DOP1A: variants seen among roughly 807,000 people sequenced by gnomAD.
DOP1A encodes the protein DOP1 leucine zipper like protein A.
A neutral mutation model predicts 267.6 loss-of-function variants in DOP1A; 90 were observed. The observed-to-expected ratio is 0.34, with a 90% confidence interval of 0.28 to 0.40. The LOEUF (loss-of-function observed/expected upper bound fraction) is 0.40. DOP1A is among the 10% of genes least tolerant of loss of function. The pLI is 1.00. For missense variants in DOP1A, 2,437 were observed against 2,900.4 expected (o/e 0.84, Z 3.67); for synonymous variants, 932 against 999.1 (o/e 0.93, Z 1.27).
At chr6:83,153,665 G>T in intron 31 of DOP1A, 45 bp downstream of exon 31, 1 of 1,451,300 alleles carries the variant, frequency 6.9e-7, no homozygotes. Context: ...TTCATAGCCT[G>T]TTAGAAACAA....
intron 19 of DOP1A, among the ~76,000 whole-genome samples, chr6:83,135,290 T>C (rs1159834971): frequency 1.3e-5 from 2 of 152,120 alleles, no homozygotes; most frequent in African/African-American, 4.8e-5. Flanking sequence ...GAAGGCTCAG[T>C]GCTTGATAAT....
intron 8 of DOP1A, 102 bp downstream of exon 8, chr6:83,119,089 T>C: frequency 1.1e-6 from 1 of 941,774 alleles, no homozygotes; most frequent in Non-Finnish European, 1.7e-6. Flanking sequence ...ATTTAAAAAC[T>C]AAAATCTCTT....
intron 7 of DOP1A, among the ~76,000 whole-genome samples, chr6:83,116,794 G>C (rs1582994702): frequency 6.6e-6 from 1 of 152,166 alleles, no homozygotes; most frequent in African/African-American, 2.4e-5. Context: ...CTGGGCGACA[G>C]AGTGAGACTC....
At chr6:83,113,609 G>A (rs1161841754) in intron 7 of DOP1A, among the ~76,000 whole-genome samples, 188 bp downstream of exon 7, 2 of 152,166 alleles carry the variant, frequency 1.3e-5, no homozygotes, top group Non-Finnish European at 2.9e-5. Flanking sequence ...AAGCTTCACT[G>A]ATTTGATAAG....
chr6:83,088,277 C>T (rs927482735), intron 1 of DOP1A, among the ~76,000 whole-genome samples: 1 of 152,008 alleles, frequency 6.6e-6, no homozygotes, highest in Non-Finnish European at 1.5e-5. Context: ...TCTGAAGTTT[C>T]CTAGAGTGTA....
At chr6:83,168,487 T>C (rs1786388656), downstream of DOP1A, 1 of 1,029,216 alleles carries the variant, frequency 9.7e-7, no homozygotes, top group African/African-American at 1.7e-5. Flanking sequence ...GTTTCAGACT[T>C]GGTTCAATTA....
chr6:83,167,443 T>TA, intron 38 of DOP1A: 1 of 983,402 alleles, frequency 1.0e-6, no homozygotes, highest in Non-Finnish European at 1.2e-6. Flanking sequence ...TAAAAGGGGA[T>TA]ATATTATGAA....
At position 83,137,285 on chromosome 6, in the gene DOP1A, C is replaced by T. The variant is rs149766415; in HGVS notation, c.3243C>T (p.Leu1081=). The T allele has an allele frequency of 2.6e-5, 42 of 1,613,740 alleles. No individual in the cohort carries two copies. The East Asian group carries it at 7.4e-4, about 28-fold the overall frequency. ...ATCCATTAAGTGACAGACTTTCCCT[C>T]CTAAGTACCAGCAGTGAGACAATTC... is the stretch of plus-strand genomic sequence containing the variant. ...TVNPLSDRLS[L]LSTSSETIPM... Residue 1081 remains leucine, a synonymous_variant, in exon 21 of 39, where the codon CTC becomes CTT. Coordinates refer to ENST00000349129, the MANE Select transcript of DOP1A (RefSeq NM_015018.4).
rs780644202 is a variant in DOP1A at position 83,096,932 on chromosome 6, CTT to C, written c.-44_-43del. On this transcript the variant is annotated 5_prime_UTR_variant, in exon 3 of 39. It introduces an in-frame stop codon into an upstream open reading frame of the 5' UTR. Coordinates refer to ENST00000349129, the MANE Select transcript of DOP1A (RefSeq NM_015018.4). ...CTGCAAACTCTTTTGTAGGTAATGA[CTT>C]TACATGAGTTTGGAACTGGTCTCTA... 2.2e-5 allele frequency: 35 copies of C among 1,599,176 alleles called. No homozygotes were observed. Among genetic ancestry groups the C allele is most frequent in the African/African-American group, 2.7e-5 (2 of 74,110 alleles).
At chr6:83,149,769 AAAG>A (rs1451004618) in intron 27 of DOP1A, among the ~76,000 whole-genome samples, 2 of 152,144 alleles carry the variant, frequency 1.3e-5, no homozygotes, top group African/African-American at 4.8e-5. Context: ...AGAACAGGAT[AAAG>A]AAGGAGAAGG....
intron 5 of DOP1A, 119 bp downstream of exon 5, chr6:83,109,199 A>G (rs534917656): frequency 2.4e-6 from 2 of 835,740 alleles, no homozygotes; most frequent in Admixed American, 5.1e-5. Flanking sequence ...AGTATATCAC[A>G]TGAATATTTC....
At chr6:83,145,407 A>T in intron 24 of DOP1A, 117 bp from the exon 25 acceptor site, 1,383 of 731,030 alleles carry the variant, frequency 1.9e-3, no homozygotes, top group Non-Finnish European at 2.5e-3. Flanking sequence ...AAATAGCAAG[A>T]CCTCATCTCC....
At chr6:83,124,526 C>T (rs1280250763) in intron 12 of DOP1A, among the ~76,000 whole-genome samples, 179 bp from the exon 13 acceptor site, 1 of 152,078 alleles carries the variant, frequency 6.6e-6, no homozygotes, top group Non-Finnish European at 1.5e-5. Flanking sequence ...AGGAATCTTG[C>T]TTTGAGAATT....
Position 83,142,865 on chromosome 6 carries a change from C to T in DOP1A, c.5541+819C>T, listed in dbSNP as rs1008155902. Among the ~76,000 whole-genome samples the T allele has an allele frequency of 7.2e-5, 11 of 152,038 alleles. No homozygotes were observed. In the South Asian group the frequency reaches 1.9e-3, roughly 26 times the overall value. ...TGAGTTTCAAAGCTCAAGAGAAATG[C>T]TCTATATTGAAAACAAATCATGGCA... On this transcript the variant is annotated intron_variant, in intron 24 of 38. Transcript: ENST00000349129.
chr6:83,081,579 C>A (rs1194261499), intron 1 of DOP1A, among the ~76,000 whole-genome samples: 1 of 152,118 alleles, frequency 6.6e-6, no homozygotes, highest in Non-Finnish European at 1.5e-5. Flanking sequence ...GGACCTGAAA[C>A]TATGAAACTA....
At chr6:83,149,424 G>A (rs1781179596) in intron 27 of DOP1A, among the ~76,000 whole-genome samples, 1 of 152,186 alleles carries the variant, frequency 6.6e-6, no homozygotes, top group South Asian at 2.1e-4. Context: ...AATAGAGGTG[G>A]TGGGCACAGA....
Position 83,138,461 on chromosome 6 carries a change from G to T in DOP1A, c.4419G>T (p.Lys1473Asn), listed in dbSNP as rs1562348868. ...GTAGCCATTACCCAACTCATGTCAA[G>T]GTTACTGCACAAGATTTAATAGGCA... ...YMRSHYPTHVKVTAQDLIGNR... is the reference protein window; with the variant it reads ...YMRSHYPTHVNVTAQDLIGNR... Residue 1473 changes from lysine to asparagine, a missense_variant, in exon 21 of 39, where the codon AAG becomes AAT. By Grantham distance (94) the Lys-to-Asn change is moderately conservative. This residue lies in a region of DOP1A where 878 missense variants were observed against 992.9 expected (regional missense o/e 0.88). Coordinates refer to ENST00000349129, the MANE Select transcript of DOP1A (RefSeq NM_015018.4). The T allele has an allele frequency of 6.2e-7, 1 of 1,612,806 alleles. No individual in the cohort carries two copies. The highest frequency in any genetic ancestry group is 8.5e-7 in the Non-Finnish European group (1 of 1,179,894).
At chr6:83,089,948 A>C (rs1770030064) in intron 1 of DOP1A, among the ~76,000 whole-genome samples, 1 of 152,196 alleles carries the variant, frequency 6.6e-6, no homozygotes, top group South Asian at 2.1e-4. Flanking sequence ...AAGCCATAAA[A>C]CATGTTTGGC....
At chr6:83,115,304 CATG>C (rs1277449586) in intron 7 of DOP1A, among the ~76,000 whole-genome samples, 1 of 152,114 alleles carries the variant, frequency 6.6e-6, no homozygotes, top group Admixed American at 6.5e-5. Context: ...TCCTGTACAA[CATG>C]ATGTTTGAAA....
Sources: gnomAD v4.1 joint callset for allele counts (sites outside exome capture counted in the v4.1 genomes callset) on GRCh38, gnomAD v4.1.1 for gene constraint, gnomAD v4.1.1 regional missense constraint, MANE v1.5 for transcripts, NCBI Gene and HGNC (gene_info 2026-07-23, HGNC 2026-07-21) for gene names.